CAMK1D: variants seen among roughly 807,000 people sequenced by gnomAD.
The protein encoded by CAMK1D is calcium/calmodulin dependent protein kinase ID.
A neutral mutation model predicts 47.7 loss-of-function variants in CAMK1D; 9 were observed. The ratio of observed to expected loss-of-function variants is 0.19; its 90% CI spans 0.11 to 0.33. The LOEUF (loss-of-function observed/expected upper bound fraction) is 0.33, where lower values mean the gene tolerates loss of function less well. Among genes scored for constraint, CAMK1D ranks in the 10% least tolerant of loss-of-function variants. The pLI is 1.00. For synonymous variants in CAMK1D, 184 were observed against 184.9 expected (o/e 0.99, Z 0.04); for missense variants, 291 against 488.7 (o/e 0.60, Z 3.81).
chr10:12,671,897 G>A (rs1248416015), intron 3 of CAMK1D, among the ~76,000 whole-genome samples: 1 of 141,668 alleles, frequency 7.1e-6, no homozygotes, highest in East Asian at 2.1e-4. Flanking sequence ...ATACTAAGAA[G>A]TTATCACCTA....
chr10:12,454,194 G>A lies in CAMK1D; in HGVS notation c.93-99031G>A, dbSNP rs141612080. ...TTGTTTGTTTTCGCGATGGAGTCTC[G>A]CTCTGTCACTCAGGCTGGAGTGCAG... On this transcript the variant is annotated intron_variant, in intron 1 of 10. Transcript: ENST00000619168. Among the ~76,000 whole-genome samples, 147 of 152,220 alleles carry A rather than the reference G, an allele frequency of 9.7e-4. 2 individuals carry two copies. The East Asian group carries it at 0.027, about 28-fold the overall frequency.
chr10:12,730,882 C>T lies in CAMK1D; in HGVS notation c.300-30066C>T, dbSNP rs146092659. On this transcript the variant is annotated intron_variant, in intron 3 of 10. Coordinates refer to ENST00000619168, the MANE Select transcript of CAMK1D (RefSeq NM_153498.4). Reference sequence around the variant, plus strand: ...TGACAAAAACGCTGTTTGTGAAGTGCTAGGGCCAGAAGCTTGATTGGAGCT... The same window carrying T: ...TGACAAAAACGCTGTTTGTGAAGTGTTAGGGCCAGAAGCTTGATTGGAGCT... Among the ~76,000 whole-genome samples the T allele has an allele frequency of 1.4e-3, 216 of 152,254 alleles. 1 individual carries two copies. The highest frequency in any genetic ancestry group is 4.8e-3 in the African/African-American group (201 of 41,528).
chr10:12,379,937 G>A (rs749684822), intron 1 of CAMK1D, among the ~76,000 whole-genome samples: 13 of 152,002 alleles, frequency 8.6e-5, no homozygotes, highest in East Asian at 2.0e-4. Context: ...GTTGTTGGCC[G>A]GGCGCGGTGG....
chr10:12,377,466 T>C (rs1308907047), intron 1 of CAMK1D, among the ~76,000 whole-genome samples: 1 of 152,254 alleles, frequency 6.6e-6, no homozygotes, highest in Non-Finnish European at 1.5e-5. Context: ...ATTCTTTGAC[T>C]TGAAGCTCAA....
intron 3 of CAMK1D, among the ~76,000 whole-genome samples, chr10:12,674,451 GA>G (rs1393886622): frequency 6.6e-6 from 1 of 152,076 alleles, no homozygotes; most frequent in Non-Finnish European, 1.5e-5. Flanking sequence ...TACAACAGGG[GA>G]TGCTCAGCAC....
intron 1 of CAMK1D, among the ~76,000 whole-genome samples, chr10:12,482,383 A>G (rs895611020): frequency 6.6e-6 from 1 of 152,172 alleles, no homozygotes; most frequent in Non-Finnish European, 1.5e-5. Context: ...GCTTGCATCC[A>G]CTTGTTTTAT....
At chr10:12,760,782 A>G (rs1276490542) in intron 3 of CAMK1D, among the ~76,000 whole-genome samples, 166 bp from the exon 4 acceptor site, 3 of 152,106 alleles carry the variant, frequency 2.0e-5, no homozygotes, top group African/African-American at 7.2e-5. Context: ...CTGCTGTGAC[A>G]TGGAAACATT....
chr10:12,725,083 C>T (rs1338737991), intron 3 of CAMK1D, among the ~76,000 whole-genome samples: 10 of 152,278 alleles, frequency 6.6e-5, no homozygotes, highest in African/African-American at 1.4e-4. Flanking sequence ...TCTCCTTAGC[C>T]GTGTGGACTG....
In CAMK1D at chr10:12,433,432, A is replaced by C. The variant is rs528587356; in HGVS notation, c.92+83522A>C. 2.0e-5 allele frequency among the ~76,000 whole-genome samples: 3 copies of C among 152,158 alleles called. No individual in the cohort carries two copies. In the South Asian group the frequency reaches 6.2e-4, roughly 32 times the overall value. The stretch of plus-strand genomic sequence containing the variant: ...TTTTTTTTTTAATATTTGTTTATTC[A>C]AAACAAACAGTCTAGGCTTCCTTAG... On this transcript the variant is annotated intron_variant, in intron 1 of 10. Transcript: ENST00000619168.
intron 1 of CAMK1D, among the ~76,000 whole-genome samples, chr10:12,447,109 CT>C (rs1462861992): frequency 2.0e-5 from 3 of 151,992 alleles, no homozygotes; most frequent in Non-Finnish European, 4.4e-5. Flanking sequence ...CTCTCTCTGT[CT>C]TTTTTTACTG....
chr10:12,573,398 A>G (rs894070706), intron 2 of CAMK1D, among the ~76,000 whole-genome samples: 3 of 134,562 alleles, frequency 2.2e-5, no homozygotes, highest in Admixed American at 2.1e-4. Flanking sequence ...GGTTACCGCT[A>G]GCATTGCCGA....
intron 1 of CAMK1D, among the ~76,000 whole-genome samples, chr10:12,508,286 T>C (rs984512875): frequency 2.0e-5 from 3 of 152,208 alleles, no homozygotes; most frequent in African/African-American, 7.2e-5. Context: ...GCAAACAAAA[T>C]GTGGTCTCTC....
In CAMK1D at chr10:12,366,659, A is replaced by AG. The variant is rs374030541; in HGVS notation, c.92+16749_92+16750insG. ...GGGTGACACAGCGAGACTATGTCTTAAAAAAAAAAAGAAGAGTCAATCATT... is the reference window on the plus strand; with the variant it reads ...GGGTGACACAGCGAGACTATGTCTTAGAAAAAAAAAAGAAGAGTCAATCATT... On this transcript the variant is annotated intron_variant, in intron 1 of 10. Transcript: ENST00000619168. Among the ~76,000 whole-genome samples, 542 of 146,716 alleles carry AG rather than the reference A, an allele frequency of 3.7e-3. 7 individuals carry two copies. The highest frequency in any genetic ancestry group is 0.037 in the East Asian group (186 of 5,070).
At chr10:12,522,118 G>C (rs998651832) in intron 1 of CAMK1D, among the ~76,000 whole-genome samples, 1 of 149,898 alleles carries the variant, frequency 6.7e-6, no homozygotes, top group Admixed American at 6.6e-5. Context: ...TATTTGCTTT[G>C]CGTTGATCTC....
At chr10:12,599,613 C>T (rs1838244106) in intron 2 of CAMK1D, among the ~76,000 whole-genome samples, 1 of 152,204 alleles carries the variant, frequency 6.6e-6, no homozygotes, top group South Asian at 2.1e-4. Flanking sequence ...AGAAAGAGAG[C>T]AACGTGAACA....
chr10:12,504,744 T>C (rs2815660), intron 1 of CAMK1D, among the ~76,000 whole-genome samples: 53,631 of 152,046 alleles, frequency 0.35, 9,750 homozygotes, highest in Admixed American at 0.45. Context: ...ACCTTTAGGC[T>C]ACTTTCTCTT....
At chr10:12,562,222 A>G (rs1286636074) in intron 2 of CAMK1D, among the ~76,000 whole-genome samples, 1 of 152,152 alleles carries the variant, frequency 6.6e-6, no homozygotes, top group Non-Finnish European at 1.5e-5. Context: ...TGTGCAAAGA[A>G]AGGGGAGGTG....
At chr10:12,415,647 C>G (rs953955205) in intron 1 of CAMK1D, among the ~76,000 whole-genome samples, 11 of 151,572 alleles carry the variant, frequency 7.3e-5, no homozygotes, top group African/African-American at 2.7e-4. Context: ...GTTACATGTT[C>G]ATGACTATTT....
In CAMK1D at chr10:12,603,675, C is replaced by T. The variant is rs146931563; in HGVS notation, c.224+50319C>T. ...AGCACCCGCTGGGGATCATTCTCCCCTCTTTCCCGCTTGACCCATTCCCCC... is the reference window on the plus strand; with the variant it reads ...AGCACCCGCTGGGGATCATTCTCCCTTCTTTCCCGCTTGACCCATTCCCCC... On this transcript the variant is annotated intron_variant, in intron 2 of 10. Coordinates refer to ENST00000619168, the MANE Select transcript of CAMK1D (RefSeq NM_153498.4). 6.1e-3 allele frequency among the ~76,000 whole-genome samples: 936 copies of T among 152,318 alleles called. 4 individuals are homozygous for T. The highest frequency in any genetic ancestry group is 0.01 in the Non-Finnish European group (711 of 68,032).
Sources: allele counts gnomAD v4.1 joint callset (sites outside exome capture counted in the v4.1 genomes callset), GRCh38; gene constraint gnomAD v4.1.1; transcripts MANE v1.5; gene names NCBI Gene and HGNC (gene_info 2026-07-23, HGNC 2026-07-21).